Variants in EFNA5 observed in about 807,000 individuals in gnomAD.
EFNA5 encodes the protein ephrin A5, also known as ephrin-A5.
EFNA5 carries 5 observed loss-of-function variants against 22.9 expected under a neutral mutation model. The ratio of observed to expected loss-of-function variants is 0.22; its 90% CI spans 0.11 to 0.46. The LOEUF (loss-of-function observed/expected upper bound fraction) is 0.46. Ranked by LOEUF, EFNA5 falls within the 20% of genes least tolerant of loss-of-function variation. The pLI is 0.99. For missense variants in EFNA5, 237 were observed against 293.3 expected (o/e 0.81, Z 1.40); for synonymous variants, 113 against 112.2 (o/e 1.01, Z -0.04).
At chr5:107,494,622 C>T (rs76338202) in intron 1 of EFNA5, among the ~76,000 whole-genome samples, 14,762 of 152,228 alleles carry the variant, frequency 0.097, 805 homozygotes, top group East Asian at 0.18. Context: ...ATCTGCAGCC[C>T]CGTTGGGGGA....
intron 1 of EFNA5, among the ~76,000 whole-genome samples, chr5:107,624,226 T>C (rs1750098856): frequency 6.6e-6 from 1 of 152,132 alleles, no homozygotes; most frequent in Non-Finnish European, 1.5e-5. Flanking sequence ...TAAGTTATAA[T>C]GACAAAAGTC....
At chr5:107,384,662 A>T (rs767809833) in intron 4 of EFNA5, among the ~76,000 whole-genome samples, 2 of 151,728 alleles carry the variant, frequency 1.3e-5, no homozygotes, top group Non-Finnish European at 2.9e-5. Context: ...CCCAGGATGG[A>T]GCACAGTGGC....
intron 1 of EFNA5, among the ~76,000 whole-genome samples, chr5:107,630,347 C>A (rs555106731): frequency 3.3e-5 from 5 of 152,178 alleles, no homozygotes; most frequent in Non-Finnish European, 7.3e-5. Context: ...TACTACACAC[C>A]TAGGCTATAT....
intron 1 of EFNA5, among the ~76,000 whole-genome samples, chr5:107,641,054 TG>T (rs1411662535): frequency 2.0e-5 from 3 of 150,192 alleles, no homozygotes; most frequent in Admixed American, 2.0e-4. Flanking sequence ...ATAGATAGAA[TG>T]TATGGATATG....
chr5:107,467,752 G>A (rs1037520253), intron 1 of EFNA5, among the ~76,000 whole-genome samples: 4 of 152,090 alleles, frequency 2.6e-5, no homozygotes, highest in Admixed American at 6.6e-5. Flanking sequence ...TAATGGCAGC[G>A]GACCCAGAGG....
intron 1 of EFNA5, among the ~76,000 whole-genome samples, chr5:107,638,823 C>G (rs1168063063): frequency 6.6e-6 from 1 of 152,128 alleles, no homozygotes; most frequent in South Asian, 2.1e-4. Context: ...ACTATACACA[C>G]ACATACACAC....
intron 1 of EFNA5, among the ~76,000 whole-genome samples, chr5:107,574,736 T>C (rs2112489844): frequency 6.6e-6 from 1 of 152,306 alleles, no homozygotes. Context: ...CTTTAAAAGA[T>C]CTATTGACAG....
At chr5:107,398,217 A>C (rs1000980708) in intron 2 of EFNA5, among the ~76,000 whole-genome samples, 1 of 152,106 alleles carries the variant, frequency 6.6e-6, no homozygotes, top group African/African-American at 2.4e-5. Flanking sequence ...AATCTCCTGG[A>C]AAGTCCACCT....
chr5:107,564,680 T>C (rs985123189), intron 1 of EFNA5, among the ~76,000 whole-genome samples: 7 of 148,382 alleles, frequency 4.7e-5, no homozygotes. Flanking sequence ...TGTAATGACC[T>C]GGGCAGGTCC....
intron 1 of EFNA5, among the ~76,000 whole-genome samples, chr5:107,562,699 A>T (rs1301118535): frequency 6.6e-6 from 1 of 152,240 alleles, no homozygotes; most frequent in Non-Finnish European, 1.5e-5. Context: ...TGTGTTGAGT[A>T]CCTACTGTGC....
At chr5:107,396,067 T>C (rs1453659174) in intron 2 of EFNA5, among the ~76,000 whole-genome samples, 1 of 152,238 alleles carries the variant, frequency 6.6e-6, no homozygotes, top group Non-Finnish European at 1.5e-5. Context: ...ACAGCACTAA[T>C]GTAGCATGAC....
At position 107,559,028 on chromosome 5, in the gene EFNA5, T is replaced by G. The variant is rs1748478080; in HGVS notation, c.125+111461A>C. 2.0e-5 allele frequency among the ~76,000 whole-genome samples: 3 copies of G among 152,224 alleles called. No individual in the cohort carries two copies. The South Asian group carries it at 6.2e-4, about 32-fold the overall frequency. The stretch of plus-strand genomic sequence containing the variant: ...AGAATTCTACAGCCAGATGGGCGCT[T>G]AGATGACAGAATGGCAAGAAGGGAT... On this transcript the variant is annotated intron_variant, in intron 1 of 4. Transcript: ENST00000333274.
At chr5:107,416,734 C>T (rs918042689) in intron 2 of EFNA5, among the ~76,000 whole-genome samples, 1 of 152,108 alleles carries the variant, frequency 6.6e-6, no homozygotes, top group Non-Finnish European at 1.5e-5. Context: ...AACTGAACTG[C>T]CCCCACTGTA....
intron 1 of EFNA5, among the ~76,000 whole-genome samples, chr5:107,615,533 A>G (rs1465122066): frequency 6.6e-6 from 1 of 152,206 alleles, no homozygotes; most frequent in Non-Finnish European, 1.5e-5. Context: ...GCTGGAGTCA[A>G]TCAAGCGTAT....
intron 1 of EFNA5, among the ~76,000 whole-genome samples, chr5:107,583,875 A>G (rs1049467621): frequency 1.3e-5 from 2 of 152,168 alleles, no homozygotes; most frequent in Non-Finnish European, 2.9e-5. Context: ...AGACACCCAG[A>G]GCCAACCAGA....
chr5:107,642,191 A>C (rs1750539464), intron 1 of EFNA5, among the ~76,000 whole-genome samples: 1 of 152,210 alleles, frequency 6.6e-6, no homozygotes, highest in Admixed American at 6.5e-5. Context: ...AGGGGACTGT[A>C]GGGATTGGAG....
At chr5:107,410,022 CTTTTTTTTT>C (rs70996956) in intron 2 of EFNA5, among the ~76,000 whole-genome samples, 72 of 88,012 alleles carry the variant, frequency 8.2e-4, no homozygotes, top group African/African-American at 3.1e-3. Context: ...TGACATGATT[CTTTTTTTTT>C]TTTTTTTTTT....
intron 1 of EFNA5, among the ~76,000 whole-genome samples, chr5:107,646,637 G>T (rs1478385083): frequency 6.6e-6 from 1 of 152,032 alleles, no homozygotes; most frequent in Non-Finnish European, 1.5e-5. Flanking sequence ...AGACAGAAAG[G>T]GTCACACATA....
At chr5:107,496,639 A>G (rs561516186) in intron 1 of EFNA5, among the ~76,000 whole-genome samples, 1 of 152,136 alleles carries the variant, frequency 6.6e-6, no homozygotes, top group Non-Finnish European at 1.5e-5. Context: ...AATGTTGCCA[A>G]CTCTACCCCA....
Sources: gnomAD v4.1 joint callset for allele counts (sites outside exome capture counted in the v4.1 genomes callset) on GRCh38, gnomAD v4.1.1 for gene constraint, MANE v1.5 for transcripts, NCBI Gene and HGNC (gene_info 2026-07-23, HGNC 2026-07-21) for gene names.